TRIM55: variants seen among roughly 807,000 people sequenced by gnomAD.
The protein encoded by TRIM55 is tripartite motif-containing protein 55.
Under a neutral mutation model 60.9 loss-of-function variants are expected in TRIM55, and 50 were observed. The ratio of observed to expected loss-of-function variants is 0.82; its 90% CI spans 0.65 to 1.04. TRIM55 has a LOEUF of 1.04. TRIM55 is among the 50% of genes least tolerant of loss of function. The pLI is 0.00. For synonymous variants in TRIM55, 237 were observed against 238.1 expected, an observed-to-expected ratio of 1.00 and a Z score of 0.04; for missense variants, 681 against 666.9, an observed-to-expected ratio of 1.02 and a Z score of -0.23.
the TRIM55 span, among the ~76,000 whole-genome samples, chr8:66,114,090 C>CCT: frequency 2.3e-4 from 32 of 137,032 alleles, 2 homozygotes; most frequent in Non-Finnish European, 3.2e-5. Flanking sequence ...ACACCCCCCC[C>CCT]CCCATTATTT....
At chr8:66,148,271 G>T (rs1001741382) in intron 4 of TRIM55, among the ~76,000 whole-genome samples, 21 of 152,240 alleles carry the variant, frequency 1.4e-4, no homozygotes, top group African/African-American at 4.8e-4. Context: ...AAGGGATCTG[G>T]ATGGTACTGG....
Position 66,141,319 on chromosome 8 carries a change from T to C in TRIM55, c.603+4129T>C, listed in dbSNP as rs137978538. On this transcript the variant is annotated intron_variant, in intron 4 of 9. Transcript: ENST00000315962. ...TGGTGAATGAACTGAGCCGTGAGTCTTTTTACCTCCGCTTCTTGAGAGTGG... is the reference window on the plus strand; with the variant it reads ...TGGTGAATGAACTGAGCCGTGAGTCCTTTTACCTCCGCTTCTTGAGAGTGG... 4.4e-3 allele frequency among the ~76,000 whole-genome samples: 668 copies of C among 152,290 alleles called. 5 individuals are homozygous for C. The highest frequency in any genetic ancestry group is 7.1e-3 in the Non-Finnish European group (484 of 68,012).
intron 7 of TRIM55, among the ~76,000 whole-genome samples, chr8:66,151,882 A>AATTAATT (rs1554529479): frequency 6.8e-6 from 1 of 146,326 alleles, no homozygotes; most frequent in African/African-American, 2.5e-5. Context: ...ATAAATAAAT[A>AATTAATT]AATAAATAAA....
intron 7 of TRIM55, among the ~76,000 whole-genome samples, chr8:66,150,859 T>G (rs576444592): frequency 6.6e-6 from 1 of 152,250 alleles, no homozygotes; most frequent in African/African-American, 2.4e-5. Flanking sequence ...AGAGGTAGGG[T>G]TTCGCCATGT....
intron 9 of TRIM55, among the ~76,000 whole-genome samples, chr8:66,167,171 G>T (rs1308596941): frequency 6.6e-6 from 1 of 152,068 alleles, no homozygotes; most frequent in African/African-American, 2.4e-5. Flanking sequence ...AACAACTCTT[G>T]GCACTTTATC....
At chr8:66,150,672 C>A (rs551004717) in intron 7 of TRIM55, among the ~76,000 whole-genome samples, 2 of 147,466 alleles carry the variant, frequency 1.4e-5, no homozygotes, top group South Asian at 2.1e-4. Flanking sequence ...ACATATGGTG[C>A]CTTTTTTTTT....
the TRIM55 span, among the ~76,000 whole-genome samples, chr8:66,120,346 A>G: frequency 6.6e-6 from 1 of 152,150 alleles, no homozygotes; most frequent in African/African-American, 2.4e-5. Flanking sequence ...TTCCCGAGTG[A>G]CAGACATGCC....
chr8:66,120,699 G>A, the TRIM55 span, among the ~76,000 whole-genome samples: 1 of 152,208 alleles, frequency 6.6e-6, no homozygotes, highest in Non-Finnish European at 1.5e-5. Context: ...CACTGGGAGA[G>A]GACATGGAAG....
chr8:66,155,684 T>C, intron 9 of TRIM55: 1 of 1,612,718 alleles, frequency 6.2e-7, no homozygotes, highest in Non-Finnish European at 8.5e-7. Flanking sequence ...TGGAGTCAGA[T>C]TCAGTGCTTG....
rs1809519725 is a variant in TRIM55, at chr8:66,137,076, C to A, written c.508-19C>A. The A allele has an allele frequency of 1.2e-6, 2 of 1,609,052 alleles. No individual in the cohort carries two copies. The highest frequency in any genetic ancestry group is 8.5e-7 in the Non-Finnish European group (1 of 1,175,982). ...TAGGAAACCCCTAAGATATTGGGTTCATGTTTTCTCTTCATTAGTCTGAGC... is the reference window on the plus strand; with the variant it reads ...TAGGAAACCCCTAAGATATTGGGTTAATGTTTTCTCTTCATTAGTCTGAGC... On this transcript the variant is annotated intron_variant, in intron 3 of 9. Transcript: ENST00000315962.
At chr8:66,119,697 G>A in the TRIM55 span, among the ~76,000 whole-genome samples, 2 of 152,202 alleles carry the variant, frequency 1.3e-5, no homozygotes, top group Non-Finnish European at 2.9e-5. Context: ...CCAAAAGACG[G>A]TGACCCAGTT....
At chr8:66,114,192 G>C in the TRIM55 span, among the ~76,000 whole-genome samples, 1 of 151,726 alleles carries the variant, frequency 6.6e-6, no homozygotes, top group Non-Finnish European at 1.5e-5. Flanking sequence ...CAGCCGTGGG[G>C]GATTAGCTCA....
At chr8:66,141,402 T>A (rs942927358) in intron 4 of TRIM55, among the ~76,000 whole-genome samples, 1 of 152,218 alleles carries the variant, frequency 6.6e-6, no homozygotes, top group African/African-American at 2.4e-5. Context: ...GCTTCTGGGC[T>A]GTTCCATGAG....
chr8:66,121,722 C>T, the TRIM55 span, among the ~76,000 whole-genome samples: 14 of 152,200 alleles, frequency 9.2e-5, no homozygotes, highest in Admixed American at 8.5e-4. Context: ...TTTCTCAGTC[C>T]ATAAATCTTA....
At chr8:66,165,013 CG>C (rs1811249380) in intron 9 of TRIM55, among the ~76,000 whole-genome samples, 1 of 151,990 alleles carries the variant, frequency 6.6e-6, no homozygotes, top group African/African-American at 2.4e-5. Flanking sequence ...AGACTGGTAG[CG>C]GGTAAGGGAG....
Position 66,175,434 on chromosome 8 carries a change from A to G in TRIM55, c.*841A>G, listed in dbSNP as rs1478409737. On this transcript the variant is annotated 3_prime_UTR_variant, in exon 10 of 10. Coordinates refer to ENST00000315962, the MANE Select transcript of TRIM55 (RefSeq NM_184085.2). ...TTTGTCCCACCATAATGCCTCCTTC[A>G]GAACATAAGTGTAACTTTATATGAA... is the stretch of plus-strand genomic sequence containing the variant. 3 of 152,206 alleles carry G rather than the reference A, an allele frequency of 2.0e-5. No homozygotes were observed. The highest frequency in any genetic ancestry group is 7.2e-5 in the African/African-American group (3 of 41,456). The allele number at this position is 152,206 out of a possible 1,614,324, so 9.4% of individuals were successfully genotyped here.
intron 4 of TRIM55, among the ~76,000 whole-genome samples, chr8:66,145,340 C>T (rs763415551): frequency 6.6e-6 from 1 of 151,972 alleles, no homozygotes; most frequent in African/African-American, 2.4e-5. Flanking sequence ...GTATTTTTGC[C>T]GTTTCAGAAA....
At chr8:66,134,589 T>C (rs1481583892) in intron 2 of TRIM55, among the ~76,000 whole-genome samples, 1 of 152,214 alleles carries the variant, frequency 6.6e-6, no homozygotes, top group African/African-American at 2.4e-5. Flanking sequence ...TGTGAGCATG[T>C]AGACACAGTG....
At chr8:66,148,998 G>A (rs1354470809) in intron 4 of TRIM55, among the ~76,000 whole-genome samples, 1 of 151,322 alleles carries the variant, frequency 6.6e-6, no homozygotes, top group Non-Finnish European at 1.5e-5. Flanking sequence ...GCAATGAGCC[G>A]AGATCACACC....
Sources: allele counts gnomAD v4.1 joint callset (sites outside exome capture counted in the v4.1 genomes callset), GRCh38; gene constraint gnomAD v4.1.1; transcripts MANE v1.5; gene names NCBI Gene and HGNC (gene_info 2026-07-23, HGNC 2026-07-21).